PA2G4: variants seen among roughly 807,000 people sequenced by gnomAD.
PA2G4 encodes the protein proliferation-associated protein 2G4.
Under a neutral mutation model 53.3 loss-of-function variants are expected in PA2G4, and 8 were observed. The ratio of observed to expected loss-of-function variants is 0.15; its 90% CI spans 0.09 to 0.27. PA2G4 has a LOEUF of 0.27. Among genes scored for constraint, PA2G4 ranks in the 10% least tolerant of loss-of-function variants. The pLI, the probability that PA2G4 is intolerant of heterozygous loss-of-function variation, is 1.00. For missense variants in PA2G4, 208 were observed against 486.8 expected (o/e 0.43, Z 5.39); for synonymous variants, 143 against 169.8 (o/e 0.84, Z 1.23).
At position 56,110,505 on chromosome 12, in the gene PA2G4, A is replaced by T. The variant is rs531426516; in HGVS notation, c.708+28A>T. 4.3e-5 allele frequency: 70 copies of T among 1,613,884 alleles called. 1 individual carries two copies. The South Asian group carries it at 7.4e-4, about 17-fold the overall frequency. On this transcript the variant is annotated intron_variant, in intron 8 of 12. Transcript: ENST00000303305. The stretch of plus-strand genomic sequence containing the variant: ...GAGGAGAGTACCAGAGTTGGCAAAG[A>T]GGGGTGACTGAGAGTGTTCACCAGA...
chr12:56,113,560 T>C lies in PA2G4; in HGVS notation c.*672T>C, dbSNP rs755251946. On this transcript the variant is annotated 3_prime_UTR_variant, in exon 13 of 13. Coordinates refer to ENST00000303305, the MANE Select transcript of PA2G4 (RefSeq NM_006191.3). The stretch of plus-strand genomic sequence containing the variant: ...CACAAAGCTGTAAAGAAATAATCCA[T>C]CTCAACCTTACCCTTTTTCTCTGGA... The C allele has an allele frequency of 8.2e-5, 33 of 403,874 alleles. No individual in the cohort carries two copies. Among genetic ancestry groups the C allele is most frequent in the Admixed American group, 4.5e-4 (11 of 24,478 alleles). The allele number at this position is 403,874 out of a possible 1,614,324, so 25.0% of individuals were successfully genotyped here.
Position 56,106,979 on chromosome 12 carries a change from T to G in PA2G4, c.218-11T>G. The G allele has an allele frequency of 6.2e-7, 1 of 1,603,558 alleles. No individual in the cohort carries two copies. The highest frequency in any genetic ancestry group is 8.5e-7 in the Non-Finnish European group (1 of 1,171,568). On this transcript the variant is annotated splice_polypyrimidine_tract_variant and intron_variant, in intron 2 of 12. Transcript: ENST00000303305. ...CAGCAAGGCAGTAGGCTGATGATTC[T>G]TTCTTTACAGGTATTGCTTTTCCCA... is the stretch of plus-strand genomic sequence containing the variant.
chr12:56,109,751 A>G (rs1276205464), intron 6 of PA2G4, 106 bp from the exon 7 acceptor site: 2 of 763,566 alleles, frequency 2.6e-6, no homozygotes, highest in Admixed American at 1.8e-5. Flanking sequence ...TTCCATAACC[A>G]GGTAGTTGTC....
chr12:56,109,124 C>CAA (rs59103730), intron 5 of PA2G4, 106 bp from the exon 6 acceptor site: 2,386 of 380,234 alleles, frequency 6.3e-3, no homozygotes, highest in South Asian at 9.3e-3. Flanking sequence ...GACTCCATCT[C>CAA]AAAAAAAAAA....
chr12:56,113,322 T>C lies in PA2G4; in HGVS notation c.*434T>C, dbSNP rs1869471595. 6.1e-6 allele frequency: 1 copy of C among 164,118 alleles called. No homozygotes were observed. The highest frequency in any genetic ancestry group is 1.3e-5 in the Non-Finnish European group (1 of 76,398). 10.2% of individuals were successfully genotyped at this position (164,118 alleles called of 1,614,324 possible). A position where few individuals can be genotyped will look rare whatever the true frequency, so the allele number is the denominator to read the frequency against. ...TTTTTTCCATCTGTTTGGGGCTTTT[T>C]CCTCTTTTTTCCATTCTCCCCAAAT... On this transcript the variant is annotated 3_prime_UTR_variant, in exon 13 of 13. Coordinates refer to ENST00000303305, the MANE Select transcript of PA2G4 (RefSeq NM_006191.3).
In PA2G4 at chr12:56,110,711, A is replaced by G; in HGVS notation, c.842+19A>G. 1 of 1,613,720 alleles carries G rather than the reference A, an allele frequency of 6.2e-7. No homozygotes were observed. The highest frequency in any genetic ancestry group is 8.5e-7 in the Non-Finnish European group (1 of 1,179,738). The stretch of plus-strand genomic sequence containing the variant: ...CTTTAAGGTACTAAGCAATGATAGT[A>G]CTTGGAACCAGTCTGACTCACAGAC... On this transcript the variant is annotated intron_variant, in intron 9 of 12. Transcript: ENST00000303305.
chr12:56,110,863 A>G (rs955244233), intron 9 of PA2G4, 101 bp from the exon 10 acceptor site: 10 of 1,361,164 alleles, frequency 7.3e-6, no homozygotes, highest in African/African-American at 2.9e-5. Flanking sequence ...AATCCTAAGC[A>G]TGATTTCTGC....
At chr12:56,106,489 G>C (rs945051725) in intron 1 of PA2G4, 99 bp from the exon 2 acceptor site, 3 of 1,321,292 alleles carry the variant, frequency 2.3e-6, no homozygotes, top group Admixed American at 6.8e-5. Flanking sequence ...GCACCAGGGA[G>C]TATTATGGAA....
chr12:56,109,629 CAA>C (rs34060703), intron 6 of PA2G4, among the ~76,000 whole-genome samples: 43 of 84,774 alleles, frequency 5.1e-4, no homozygotes, highest in Admixed American at 7.1e-4. Flanking sequence ...TCCTCCATCT[CAA>C]AAAAAAAAAA....
At position 56,107,519 on chromosome 12, in the gene PA2G4, A is replaced by C; in HGVS notation, c.394-2A>C. 1 of 1,608,986 alleles carries C rather than the reference A, an allele frequency of 6.2e-7. No homozygotes were observed. Among genetic ancestry groups the C allele is most frequent in the Non-Finnish European group, 8.5e-7 (1 of 1,175,262 alleles). On this transcript the variant is annotated splice_acceptor_variant, in intron 4 of 12. Transcript: ENST00000303305. LOFTEE classifies it high-confidence loss of function. ...ATACTGATTGCATGTCCTTATCTACAGGGGACCCAAGTAACAGGGAGGAAA... is the reference window on the plus strand; with the variant it reads ...ATACTGATTGCATGTCCTTATCTACCGGGGACCCAAGTAACAGGGAGGAAA...
Position 56,110,378 on chromosome 12 carries a change from CTT to C in PA2G4, c.630-19_630-18del, listed in dbSNP as rs758936816. Reference sequence around the variant, plus strand: ...CTGTGTCAAAAAAAAAAAAAAATTCCTTTCTCTCTATTCCTTTTAGGAAGGAC... The same window carrying C: ...CTGTGTCAAAAAAAAAAAAAAATTCCTCTCTCTATTCCTTTTAGGAAGGAC... On this transcript the variant is annotated intron_variant, in intron 7 of 12. Transcript: ENST00000303305. 1.4e-6 allele frequency: 2 copies of C among 1,479,770 alleles called. No homozygotes were observed. The highest frequency in any genetic ancestry group is 1.9e-6 in the Non-Finnish European group (2 of 1,061,434). The allele number at this position is 1,479,770 out of a possible 1,614,324, so 91.7% of individuals were successfully genotyped here. A position where few individuals can be genotyped will look rare whatever the true frequency, so the allele number is the denominator to read the frequency against.
chr12:56,108,686 A>G (rs1269111456), intron 5 of PA2G4, among the ~76,000 whole-genome samples: 1 of 152,158 alleles, frequency 6.6e-6, no homozygotes, highest in African/African-American at 2.4e-5. Context: ...ACTTAGTGAT[A>G]TTTTCAACTT....
chr12:56,104,919 T>C (rs1205198950), intron 1 of PA2G4, 94 bp downstream of exon 1: 6 of 1,116,244 alleles, frequency 5.4e-6, no homozygotes, highest in Middle Eastern at 4.4e-4. Flanking sequence ...TCATGCGGAC[T>C]GAGCTACTGA....
In PA2G4 at chr12:56,106,634, A is replaced by G. The variant is rs1384431993; in HGVS notation, c.135A>G (p.Val45=). The G allele has an allele frequency of 6.2e-7, 1 of 1,603,906 alleles. No individual in the cohort carries two copies. Among genetic ancestry groups the G allele is most frequent in the African/African-American group, 1.3e-5 (1 of 74,074 alleles). ...AAGCATCTAGCTCAGGTGTGTCGGT[A>G]CTGAGCCTGTGTGAGAAAGGTGATG... The part of the protein sequence containing the change: ...LVEASSSGVS[V]LSLCEKGDAM... Residue 45 remains valine, a synonymous_variant, in exon 2 of 13, where the codon GTA becomes GTG. Transcript: ENST00000303305.
chr12:56,113,883 A>C lies in PA2G4; in HGVS notation c.*995A>C, dbSNP rs770732162. 1.7e-5 allele frequency: 12 copies of C among 702,156 alleles called. No homozygotes were observed. Among genetic ancestry groups the C allele is most frequent in the African/African-American group, 3.5e-5 (2 of 57,216 alleles). 43.5% of individuals were successfully genotyped at this position (702,156 alleles called of 1,614,324 possible). A position where few individuals can be genotyped will look rare whatever the true frequency, so the allele number is the denominator to read the frequency against. ...AACACATTGAAAATGACATGACATT[A>C]AAATAAATTTGGATTTGCTCATAAT... On this transcript the variant is annotated 3_prime_UTR_variant, in exon 13 of 13. Transcript: ENST00000303305.
rs1315203016 is a variant in PA2G4 at position 56,111,545 on chromosome 12, T to A, written c.1119+16T>A. Reference sequence around the variant, plus strand: ...AAAAAAGAAGGTGTGTTATTAACGATCATTCCTCTCTGGCAGGGTGAACCT... The same window carrying A: ...AAAAAAGAAGGTGTGTTATTAACGAACATTCCTCTCTGGCAGGGTGAACCT... On this transcript the variant is annotated intron_variant, in intron 12 of 12. Coordinates refer to ENST00000303305, the MANE Select transcript of PA2G4 (RefSeq NM_006191.3). 26 of 1,609,924 alleles carry A rather than the reference T, an allele frequency of 1.6e-5. No homozygotes were observed. The highest frequency in any genetic ancestry group is 1.9e-5 in the Non-Finnish European group (22 of 1,177,642).
rs1869406001 is a variant in PA2G4, at chr12:56,110,847, A to T, written c.843-117A>T. 27 of 1,332,472 alleles carry T rather than the reference A, an allele frequency of 2.0e-5. No homozygotes were observed. The South Asian group carries it at 3.4e-4, about 17-fold the overall frequency. 82.5% of individuals were successfully genotyped at this position (1,332,472 alleles called of 1,614,324 possible). A position where few individuals can be genotyped will look rare whatever the true frequency, so the allele number is the denominator to read the frequency against. On this transcript the variant is annotated intron_variant, in intron 9 of 12. Coordinates refer to ENST00000303305, the MANE Select transcript of PA2G4 (RefSeq NM_006191.3). ...CTCCTTCTCATTGAAGGTAATGTAAAAGAGCAATCCTAAGCATGATTTCTG... is the reference window on the plus strand; with the variant it reads ...CTCCTTCTCATTGAAGGTAATGTAATAGAGCAATCCTAAGCATGATTTCTG...
chr12:56,112,190 C>A (rs906154744), intron 12 of PA2G4, among the ~76,000 whole-genome samples: 1 of 152,220 alleles, frequency 6.6e-6, no homozygotes, highest in Non-Finnish European at 1.5e-5. Flanking sequence ...TATCCTCAAA[C>A]TCCTCCTGGG....
At chr12:56,106,551 T>A (rs768541632) in intron 1 of PA2G4, 37 bp from the exon 2 acceptor site, 3 of 1,493,270 alleles carry the variant, frequency 2.0e-6, no homozygotes, top group Admixed American at 2.9e-5. Flanking sequence ...AGACAATGAA[T>A]ACATACAAGG....
Sources: allele counts gnomAD v4.1 joint callset (sites outside exome capture counted in the v4.1 genomes callset), GRCh38; gene constraint gnomAD v4.1.1; transcripts MANE v1.5; gene names NCBI Gene and HGNC (gene_info 2026-07-23, HGNC 2026-07-21).